DACH2: variants seen among roughly 807,000 people sequenced by gnomAD.
The protein encoded by DACH2 is dachshund homolog 2.
DACH2 carries 17 observed loss-of-function variants against 35.8 expected under a neutral mutation model. That is an observed-to-expected ratio of 0.48 (90% confidence interval 0.33 to 0.71). The LOEUF is 0.71. Among genes scored for constraint, DACH2 ranks in the 30% least tolerant of loss-of-function variants. The probability of loss-of-function intolerance (pLI) is 0.02; values close to 1 mark genes in which losing one functional copy is unlikely to be tolerated. For synonymous variants in DACH2, 195 were observed against 177.3 expected, an observed-to-expected ratio of 1.10 and a Z score of -0.79; for missense variants, 469 against 472.7, an observed-to-expected ratio of 0.99 and a Z score of 0.07.
intron 1 of DACH2, among the ~76,000 whole-genome samples, chrX:86,171,064 TGG>T (rs2031109996): frequency 8.9e-6 from 1 of 112,059 alleles, no homozygotes; most frequent in African/African-American, 3.2e-5. Flanking sequence ...TTGAATAGAA[TGG>T]GAGGCTGGTT....
intron 1 of DACH2, among the ~76,000 whole-genome samples, chrX:86,330,467 A>C (rs890489147): frequency 6.3e-5 from 7 of 111,776 alleles, no homozygotes; most frequent in African/African-American, 2.3e-4. Flanking sequence ...CTGCCTCAGA[A>C]TCAGCTTTCT....
intron 1 of DACH2, among the ~76,000 whole-genome samples, chrX:86,308,293 C>T (rs1569341992): frequency 8.9e-6 from 1 of 112,675 alleles, no homozygotes; most frequent in African/African-American, 3.2e-5. Flanking sequence ...AATTTAAATA[C>T]AATGGGAATA....
intron 3 of DACH2, among the ~76,000 whole-genome samples, chrX:86,634,602 T>G (rs1479949021): frequency 1.8e-5 from 2 of 111,597 alleles, no homozygotes; most frequent in Non-Finnish European, 3.8e-5. Context: ...TAGTATATTT[T>G]CAGGACACAA....
chrX:86,477,947 CAA>C lies in DACH2; in HGVS notation c.528-36325_528-36324del, dbSNP rs753150467. Among the ~76,000 whole-genome samples, 146 of 110,250 alleles carry C rather than the reference CAA, an allele frequency of 1.3e-3. 1 individual carries two copies. Among genetic ancestry groups the C allele is most frequent in the African/African-American group, 4.7e-3 (142 of 30,468 alleles). On this transcript the variant is annotated intron_variant, in intron 2 of 11. Transcript: ENST00000373125. ...TTGCTTAAACAAAGGAACAAAGAGA[CAA>C]AAAAAAGGAACAAACAGGCAAAAAC...
At chrX:86,726,671 C>A (rs985361632) in intron 6 of DACH2, among the ~76,000 whole-genome samples, 9 of 111,747 alleles carry the variant, frequency 8.1e-5, no homozygotes, top group African/African-American at 2.9e-4. Flanking sequence ...GGGTGGGTTC[C>A]CTGTCTGGAG....
intron 2 of DACH2, among the ~76,000 whole-genome samples, chrX:86,490,654 C>A (rs2038081707): frequency 9.0e-6 from 1 of 111,213 alleles, no homozygotes; most frequent in South Asian, 3.7e-4. Context: ...TTGGTTATAT[C>A]CTATGATGTT....
At chrX:86,492,914 T>C (rs931943840) in intron 2 of DACH2, among the ~76,000 whole-genome samples, 1 of 111,773 alleles carries the variant, frequency 8.9e-6, no homozygotes, top group African/African-American at 3.3e-5. Context: ...GTGAGGAACA[T>C]ATGAGTGTAT....
chrX:86,193,146 C>A (rs192001186), intron 1 of DACH2, among the ~76,000 whole-genome samples: 16 of 111,310 alleles, frequency 1.4e-4, no homozygotes, highest in Non-Finnish European at 2.8e-4. Flanking sequence ...AAAATAGTGA[C>A]ATGTTGAATT....
At chrX:86,550,893 T>G (rs1294414791) in intron 3 of DACH2, among the ~76,000 whole-genome samples, 1 of 111,722 alleles carries the variant, frequency 9.0e-6, no homozygotes, top group Non-Finnish European at 1.9e-5. Flanking sequence ...ACGTGGAGTA[T>G]ATGACTGTTT....
intron 2 of DACH2, among the ~76,000 whole-genome samples, chrX:86,514,065 C>T (rs963933286): frequency 9.0e-6 from 1 of 111,497 alleles, no homozygotes; most frequent in Non-Finnish European, 1.9e-5. Flanking sequence ...TAAAATTGAT[C>T]CCTTATGGCG....
chrX:86,574,881 T>C (rs1278000596), intron 3 of DACH2, among the ~76,000 whole-genome samples: 1 of 111,854 alleles, frequency 8.9e-6, no homozygotes, highest in African/African-American at 3.2e-5. Context: ...TTATTCTCTC[T>C]TTATATAAAA....
chrX:86,242,766 A>G (rs1234905801), intron 1 of DACH2, among the ~76,000 whole-genome samples: 2 of 110,811 alleles, frequency 1.8e-5, no homozygotes, highest in South Asian at 3.9e-4. Context: ...ATCATGGGGG[A>G]TGGGTTTCTC....
intron 6 of DACH2, among the ~76,000 whole-genome samples, chrX:86,725,180 C>G (rs777057984): frequency 2.7e-5 from 3 of 111,158 alleles, no homozygotes; most frequent in Admixed American, 9.6e-5. Flanking sequence ...ATCTGTCATT[C>G]AGTAATTTCA....
chrX:86,305,160 C>G (rs929736888), intron 1 of DACH2: 1 of 130,851 alleles, frequency 7.6e-6, no homozygotes, highest in Non-Finnish European at 1.6e-5. Context: ...TTGGGGGGTA[C>G]ACGCTCTATA....
rs189822556 is a variant in DACH2 at position 86,654,057 on chromosome X, C to A, written c.772+2890C>A. Among the ~76,000 whole-genome samples the A allele has an allele frequency of 4.8e-4, 52 of 108,539 alleles. No homozygotes were observed. The East Asian group carries it at 0.014, about 29-fold the overall frequency. 94.3% of individuals were successfully genotyped at this position (108,539 alleles called of 115,157 possible). On this transcript the variant is annotated intron_variant, in intron 4 of 11. Coordinates refer to ENST00000373125, the MANE Select transcript of DACH2 (RefSeq NM_053281.3). Reference sequence around the variant, plus strand: ...TTCTGACTGCTGCCTTGATGGATCCCGACATGATTTCTCTGTTGATTGGCC... The same window carrying A: ...TTCTGACTGCTGCCTTGATGGATCCAGACATGATTTCTCTGTTGATTGGCC...
At chrX:86,311,589 T>A (rs978925397) in intron 1 of DACH2, among the ~76,000 whole-genome samples, 1 of 110,940 alleles carries the variant, frequency 9.0e-6, no homozygotes, top group African/African-American at 3.3e-5. Context: ...GTGGCACCAC[T>A]CACCATCACC....
intron 3 of DACH2, among the ~76,000 whole-genome samples, chrX:86,599,776 A>G (rs1425579404): frequency 9.0e-6 from 1 of 110,663 alleles, no homozygotes; most frequent in Non-Finnish European, 1.9e-5. Flanking sequence ...GATTAGAGAC[A>G]TGAGCCACCA....
intron 3 of DACH2, among the ~76,000 whole-genome samples, chrX:86,602,689 T>A (rs1027232835): frequency 1.7e-4 from 19 of 111,956 alleles, no homozygotes; most frequent in Admixed American, 2.9e-4. Flanking sequence ...CTTATTGGGT[T>A]AATTTTTCTC....
intron 3 of DACH2, among the ~76,000 whole-genome samples, chrX:86,556,781 TATATATATATATATAGAGAGAGAGAGAG>T (rs1323791052): frequency 3.2e-5 from 2 of 62,932 alleles, no homozygotes; most frequent in Non-Finnish European, 5.6e-5. Context: ...TATATATATA[TATATATATATATATAGAGAGAGAGAGAG>T]AGAGAGAGAG....
Sources: gnomAD v4.1 joint callset for allele counts (sites outside exome capture counted in the v4.1 genomes callset) on GRCh38, gnomAD v4.1.1 for gene constraint, MANE v1.5 for transcripts, NCBI Gene and HGNC (gene_info 2026-07-23, HGNC 2026-07-21) for gene names.